The following SPSB1 variants were observed in gnomAD, a reference collection of about 807,000 sequenced individuals.
SPSB1 encodes the protein splA/ryanodine receptor domain and SOCS box containing 1.
SPSB1 carries 8 observed loss-of-function variants against 21.2 expected under a neutral mutation model. The ratio of observed to expected loss-of-function variants is 0.38; its 90% CI spans 0.22 to 0.68. The LOEUF is 0.68. SPSB1 is among the 30% of genes least tolerant of loss of function. SPSB1 has a pLI of 0.53. For missense variants in SPSB1, 242 were observed against 377.8 expected (o/e 0.64, Z 2.98); for synonymous variants, 169 against 161.7 (o/e 1.05, Z -0.34).
At chr1:9,314,239 T>C (rs1172410543) in intron 1 of SPSB1, among the ~76,000 whole-genome samples, 2 of 150,774 alleles carry the variant, frequency 1.3e-5, no homozygotes, top group African/African-American at 2.4e-5. Context: ...CCCCCAAATA[T>C]CCACCTGACA....
chr1:9,350,188 T>C (rs1047932995), intron 1 of SPSB1, among the ~76,000 whole-genome samples: 3 of 152,236 alleles, frequency 2.0e-5, no homozygotes, highest in Admixed American at 1.3e-4. Flanking sequence ...CATTTATGCC[T>C]GTGATGAGAT....
chr1:9,299,868 T>C (rs1166432410), intron 1 of SPSB1, among the ~76,000 whole-genome samples: 7 of 141,712 alleles, frequency 4.9e-5, no homozygotes, highest in Admixed American at 4.5e-4. Context: ...GTGGCTGAGG[T>C]GGGAGGATCG....
intron 1 of SPSB1, among the ~76,000 whole-genome samples, chr1:9,314,446 C>T (rs545460646): frequency 5.3e-5 from 8 of 152,014 alleles, no homozygotes; most frequent in Admixed American, 2.6e-4. Flanking sequence ...ATCTAGACCC[C>T]GACTGCCAAC....
intron 1 of SPSB1, among the ~76,000 whole-genome samples, chr1:9,314,724 C>A (rs1395027387): frequency 6.6e-6 from 1 of 152,190 alleles, no homozygotes; most frequent in Admixed American, 6.5e-5. Context: ...TTACCTTATT[C>A]CCAGGGGACA....
intron 1 of SPSB1, among the ~76,000 whole-genome samples, chr1:9,304,269 G>C (rs1047341562): frequency 1.1e-4 from 16 of 152,144 alleles, no homozygotes; most frequent in Non-Finnish European, 4.4e-5. Context: ...CTGGTTCTGA[G>C]GCCTTCAGAC....
At chr1:9,361,537 A>G (rs967648124) in intron 2 of SPSB1, among the ~76,000 whole-genome samples, 1 of 152,092 alleles carries the variant, frequency 6.6e-6, no homozygotes, top group South Asian at 2.1e-4. Flanking sequence ...CCTGCATGCC[A>G]GGCAGAACCC....
At chr1:9,352,972 G>A (rs1156842368) in intron 1 of SPSB1, among the ~76,000 whole-genome samples, 3 of 152,024 alleles carry the variant, frequency 2.0e-5, no homozygotes, top group Admixed American at 6.6e-5. Context: ...GGCTGTGGAG[G>A]GGCTACGCTG....
At chr1:9,319,914 G>C (rs1639687577) in intron 1 of SPSB1, among the ~76,000 whole-genome samples, 1 of 152,106 alleles carries the variant, frequency 6.6e-6, no homozygotes, top group South Asian at 2.1e-4. Flanking sequence ...TCTAGCCCCA[G>C]ACCTCCTGGG....
At chr1:9,347,943 CT>C (rs57731582) in intron 1 of SPSB1, among the ~76,000 whole-genome samples, 72,618 of 132,304 alleles carry the variant, frequency 0.55, 19,887 homozygotes, top group East Asian at 0.61. Context: ...TTCCCTGCAA[CT>C]TTTTTTTTTT....
At chr1:9,309,217 G>A (rs1277399033) in intron 1 of SPSB1, among the ~76,000 whole-genome samples, 2 of 49,180 alleles carry the variant, frequency 4.1e-5, no homozygotes, top group Non-Finnish European at 8.0e-5. Context: ...CCTGAGATGT[G>A]CAGATAAGCT....
intron 1 of SPSB1, among the ~76,000 whole-genome samples, chr1:9,342,615 G>A (rs977647529): frequency 9.2e-5 from 14 of 152,260 alleles, no homozygotes; most frequent in East Asian, 1.9e-4. Flanking sequence ...CCCTGACATC[G>A]GTTCTCCCAT....
chr1:9,313,753 G>A (rs867853527), intron 1 of SPSB1, among the ~76,000 whole-genome samples: 13 of 152,236 alleles, frequency 8.5e-5, no homozygotes, highest in African/African-American at 1.7e-4. Flanking sequence ...GGCCAGTCCA[G>A]CCTGCCCGCT....
intron 1 of SPSB1, among the ~76,000 whole-genome samples, chr1:9,314,196 A>C (rs983180841): frequency 8.0e-5 from 12 of 149,166 alleles, no homozygotes; most frequent in African/African-American, 2.9e-4. Context: ...AACAAAAAAC[A>C]AAAAAAACAG....
At chr1:9,314,402 G>A (rs1039426302) in intron 1 of SPSB1, among the ~76,000 whole-genome samples, 1 of 152,008 alleles carries the variant, frequency 6.6e-6, no homozygotes, top group Non-Finnish European at 1.5e-5. Flanking sequence ...CCTTCCTGAT[G>A]GGAAGATGGG....
In SPSB1 at chr1:9,361,251, C is replaced by T. The variant is rs559625538; in HGVS notation, c.694+4666C>T. On this transcript the variant is annotated intron_variant, in intron 2 of 2. Coordinates refer to ENST00000328089, the MANE Select transcript of SPSB1 (RefSeq NM_025106.4). Reference sequence around the variant, plus strand: ...CCTGGGCTCCTAAGTGGTCCTCCTGCCTCGGTCTTCCAAAGTGCTAGGATT... The same window carrying T: ...CCTGGGCTCCTAAGTGGTCCTCCTGTCTCGGTCTTCCAAAGTGCTAGGATT... Among the ~76,000 whole-genome samples, 4 of 148,490 alleles carry T rather than the reference C, an allele frequency of 2.7e-5. No homozygotes were observed. In the South Asian group the frequency reaches 6.6e-4, roughly 24 times the overall value.
intron 1 of SPSB1, among the ~76,000 whole-genome samples, chr1:9,320,766 A>AG (rs1639708878): frequency 6.6e-6 from 1 of 152,228 alleles, no homozygotes; most frequent in Admixed American, 6.5e-5. Flanking sequence ...AGGTGCCTGG[A>AG]GGGTGACTCC....
rs967552555 is a variant in SPSB1, at chr1:9,346,156, G to A, written c.-149-9587G>A. 1.3e-5 allele frequency among the ~76,000 whole-genome samples: 2 copies of A among 152,246 alleles called. No homozygotes were observed. Among genetic ancestry groups the A allele is most frequent in the African/African-American group, 4.8e-5 (2 of 41,456 alleles). ...AGATTGCTCGGGGCATGTTTCTCTT[G>A]CAAAATCCTGGGCTGCCACCACTGA... On this transcript the variant is annotated intron_variant, in intron 1 of 2. Transcript: ENST00000328089. The surrounding 1 kb of genome is among the most constrained non-coding windows in gnomAD (Gnocchi z 4.4).
At chr1:9,298,909 C>T (rs887309975) in intron 1 of SPSB1, among the ~76,000 whole-genome samples, 41 of 152,290 alleles carry the variant, frequency 2.7e-4, no homozygotes, top group African/African-American at 9.1e-4. Flanking sequence ...AAACCATTAG[C>T]GTTGCCTCTG....
intron 1 of SPSB1, among the ~76,000 whole-genome samples, chr1:9,316,918 G>C (rs549857361): frequency 4.9e-4 from 74 of 152,264 alleles, no homozygotes; most frequent in African/African-American, 1.6e-3. Context: ...AGTGCCCCCG[G>C]GTAGAGGGAG....
Sources: allele counts gnomAD v4.1 joint callset (sites outside exome capture counted in the v4.1 genomes callset), GRCh38; gene constraint gnomAD v4.1.1; non-coding constraint Gnocchi (gnomAD v3.1); transcripts MANE v1.5; gene names NCBI Gene and HGNC (gene_info 2026-07-23, HGNC 2026-07-21).